PTPRD: variants seen among roughly 807,000 people sequenced by gnomAD.
PTPRD encodes receptor-type tyrosine-protein phosphatase delta.
In PTPRD, 34 loss-of-function variants were observed where a neutral mutation model predicts 214.5. The observed-to-expected ratio is 0.16, with a 90% CI of 0.12 to 0.21. The LOEUF is 0.21. Ranked by LOEUF, PTPRD falls within the 10% of genes least tolerant of loss-of-function variation. The pLI is 1.00. For missense variants in PTPRD, 2,545 were observed against 2,398.7 expected (o/e 1.06, Z -1.27); for synonymous variants, 1,128 against 845.7 (o/e 1.33, Z -5.79).
intron 5 of PTPRD, among the ~76,000 whole-genome samples, chr9:9,790,292 T>G (rs1332356868): frequency 1.3e-5 from 2 of 152,132 alleles, no homozygotes; most frequent in African/African-American, 4.8e-5. Context: ...TTATAAAATG[T>G]TTATCCTCCT....
intron 2 of PTPRD, among the ~76,000 whole-genome samples, chr9:10,416,713 T>G (rs940789577): frequency 6.6e-6 from 1 of 151,844 alleles, no homozygotes; most frequent in African/African-American, 2.4e-5. Flanking sequence ...AGTACCGTAA[T>G]AGAGACTTAA....
At chr9:8,850,134 T>C (rs1431200629) in intron 11 of PTPRD, among the ~76,000 whole-genome samples, 1 of 152,158 alleles carries the variant, frequency 6.6e-6, no homozygotes, top group Non-Finnish European at 1.5e-5. Flanking sequence ...GAAGATAGTA[T>C]TTTGGGTTTA....
intron 3 of PTPRD, among the ~76,000 whole-genome samples, chr9:10,178,663 A>C (rs2099263619): frequency 6.6e-6 from 1 of 152,026 alleles, no homozygotes; most frequent in Admixed American, 6.6e-5. Flanking sequence ...ATAAGTGAAG[A>C]GTTCAGATAC....
chr9:8,520,924 G>A (rs543581476), intron 20 of PTPRD, among the ~76,000 whole-genome samples: 1 of 151,658 alleles, frequency 6.6e-6, no homozygotes, highest in East Asian at 2.0e-4. Flanking sequence ...ACTTTTCTTG[G>A]GGTTCTTATC....
intron 2 of PTPRD, among the ~76,000 whole-genome samples, chr9:10,387,553 T>C (rs1436787285): frequency 6.6e-6 from 1 of 151,762 alleles, no homozygotes; most frequent in African/African-American, 2.4e-5. Flanking sequence ...CCTGGGAAAT[T>C]ACATTGTGGA....
intron 3 of PTPRD, among the ~76,000 whole-genome samples, chr9:10,182,947 G>T (rs186656657): frequency 1.3e-3 from 204 of 152,160 alleles, no homozygotes; most frequent in African/African-American, 4.5e-3. Context: ...AAATTACTTG[G>T]CTCATTTAAT....
intron 3 of PTPRD, among the ~76,000 whole-genome samples, chr9:10,291,898 A>C (rs1276060680): frequency 6.6e-6 from 1 of 152,050 alleles, no homozygotes; most frequent in Non-Finnish European, 1.5e-5. Flanking sequence ...AGTACTGATA[A>C]GTGCACCGGG....
At position 8,640,761 on chromosome 9, in the gene PTPRD, C is replaced by A. The variant is rs1055802783; in HGVS notation, c.65-3917G>T. 2.6e-5 allele frequency among the ~76,000 whole-genome samples: 4 copies of A among 151,334 alleles called. No homozygotes were observed. The South Asian group carries it at 8.3e-4, about 31-fold the overall frequency. ...AGAAAATCATGACTTTCCTATGGGA[C>A]CCAATGTCAATTTTTCTAGATTCGC... On this transcript the variant is annotated intron_variant, in intron 12 of 45. Coordinates refer to ENST00000381196, the MANE Select transcript of PTPRD (RefSeq NM_002839.4).
chr9:10,025,920 C>T (rs2154124653), intron 4 of PTPRD, among the ~76,000 whole-genome samples: 1 of 152,218 alleles, frequency 6.6e-6, no homozygotes, highest in South Asian at 2.1e-4. Flanking sequence ...AGATCCTAAC[C>T]AAAGGAAGAC....
chr9:8,499,709 T>A lies in PTPRD; in HGVS notation c.2260A>T (p.Met754Leu). The A allele has an allele frequency of 1.9e-6, 3 of 1,614,138 alleles. No individual in the cohort carries two copies. Among genetic ancestry groups the A allele is most frequent in the Non-Finnish European group, 2.5e-6 (3 of 1,179,984 alleles). The stretch of plus-strand genomic sequence containing the variant: ...TGGCCCTTGGGCTCACCATTTTCCA[T>A]CCTCACATAATGCACCTGATATCCT... ...IRGYQVHYVR[M>L]ENGEPKGQPM... The change falls in exon 25 of 46, where the codon ATG becomes TTG. Residue 754 changes from methionine to leucine, a missense_variant. Coordinates refer to ENST00000381196, the MANE Select transcript of PTPRD (RefSeq NM_002839.4).
chr9:9,009,363 C>T (rs2099497905), intron 11 of PTPRD, among the ~76,000 whole-genome samples: 1 of 151,994 alleles, frequency 6.6e-6, no homozygotes, highest in Non-Finnish European at 1.5e-5. Context: ...CTTTCACAAT[C>T]CTAAAGGTAG....
At chr9:9,903,054 T>C (rs1259782907) in intron 5 of PTPRD, among the ~76,000 whole-genome samples, 1 of 150,904 alleles carries the variant, frequency 6.6e-6, no homozygotes, top group African/African-American at 2.5e-5. Context: ...ATTTTACATA[T>C]GTATATGTGT....
At chr9:9,519,060 A>C (rs2096903058) in intron 8 of PTPRD, among the ~76,000 whole-genome samples, 1 of 152,002 alleles carries the variant, frequency 6.6e-6, no homozygotes, top group Non-Finnish European at 1.5e-5. Context: ...ACCAAAAACA[A>C]TTAATCTCCA....
At chr9:10,051,039 A>G (rs906730789) in intron 3 of PTPRD, among the ~76,000 whole-genome samples, 2 of 152,130 alleles carry the variant, frequency 1.3e-5, no homozygotes, top group Admixed American at 1.3e-4. Context: ...AAGCATAATA[A>G]AAGTTGTTAT....
At chr9:8,488,179 C>T (rs1382645771) in intron 27 of PTPRD, among the ~76,000 whole-genome samples, 1 of 152,066 alleles carries the variant, frequency 6.6e-6, no homozygotes, top group East Asian at 1.9e-4. Context: ...GAATATTAAC[C>T]TCAGAGATGG....
intron 14 of PTPRD, among the ~76,000 whole-genome samples, chr9:8,555,192 C>T (rs1012500755): frequency 6.6e-6 from 1 of 152,062 alleles, no homozygotes; most frequent in Non-Finnish European, 1.5e-5. Flanking sequence ...TCACTTGAGC[C>T]TAGGAGTTTG....
chr9:9,011,561 C>T (rs1352446672), intron 11 of PTPRD, among the ~76,000 whole-genome samples: 1 of 152,130 alleles, frequency 6.6e-6, no homozygotes, highest in African/African-American at 2.4e-5. Flanking sequence ...GGGTCACATG[C>T]TATTCCCTGC....
intron 3 of PTPRD, among the ~76,000 whole-genome samples, chr9:10,175,240 A>C (rs2099240390): frequency 6.6e-6 from 1 of 152,032 alleles, no homozygotes; most frequent in Non-Finnish European, 1.5e-5. Flanking sequence ...CCAAAATTTC[A>C]GTCTCTTCCC....
chr9:10,065,426 A>G (rs1018845402), intron 3 of PTPRD, among the ~76,000 whole-genome samples: 1 of 151,916 alleles, frequency 6.6e-6, no homozygotes, highest in Non-Finnish European at 1.5e-5. Context: ...CATGCTTTGA[A>G]GCAAGAACTC....
Sources: allele counts gnomAD v4.1 joint callset (sites outside exome capture counted in the v4.1 genomes callset), GRCh38; gene constraint gnomAD v4.1.1; transcripts MANE v1.5; gene names NCBI Gene and HGNC (gene_info 2026-07-23, HGNC 2026-07-21).